The following SMIM14 variants were observed in gnomAD, a reference collection of about 807,000 sequenced individuals.
SMIM14 encodes small integral membrane protein 14.
A neutral mutation model predicts 12.6 loss-of-function variants in SMIM14; 5 were observed. The observed-to-expected ratio is 0.40, with a 90% CI of 0.21 to 0.83. SMIM14 has a LOEUF of 0.83. SMIM14 is among the 40% of genes least tolerant of loss of function. SMIM14 has a pLI of 0.37. For missense variants in SMIM14, 86 were observed against 119.1 expected (o/e 0.72, Z 1.29); for synonymous variants, 30 against 40.1 (o/e 0.75, Z 0.95).
At chr4:39,603,354 T>G (rs1013166277) in intron 2 of SMIM14, among the ~76,000 whole-genome samples, 2 of 151,816 alleles carry the variant, frequency 1.3e-5, no homozygotes, top group Admixed American at 1.3e-4. Flanking sequence ...GTCAGGAGAT[T>G]GAGACCATCC....
Position 39,588,380 on chromosome 4 carries a change from C to CTAAA in SMIM14, c.76-15921_76-15918dup, listed in dbSNP as rs1207637421. On this transcript the variant is annotated intron_variant, in intron 2 of 4. Transcript: ENST00000295958. ...AAAATAGAGAGACCCCATCTCTATT[C>CTAAA]TAAATAAATAAATAAAACGTAACTA... Among the ~76,000 whole-genome samples the CTAAA allele has an allele frequency of 2.6e-5, 4 of 152,004 alleles. No homozygotes were observed. In the East Asian group the frequency reaches 7.7e-4, roughly 29 times the overall value.
intron 2 of SMIM14, chr4:39,593,598 G>T (rs1034645876): frequency 2.0e-5 from 3 of 152,148 alleles, no homozygotes; most frequent in African/African-American, 7.2e-5. Context: ...CAATTAGGAA[G>T]AGGAAGTCAA....
chr4:39,580,952 A>G (rs1242310685), intron 2 of SMIM14, among the ~76,000 whole-genome samples: 1 of 152,154 alleles, frequency 6.6e-6, no homozygotes, highest in East Asian at 1.9e-4. Context: ...TAATGTACAT[A>G]AAGAACTCAG....
At chr4:39,617,335 T>C (rs1578360633) in intron 1 of SMIM14, among the ~76,000 whole-genome samples, 1 of 152,326 alleles carries the variant, frequency 6.6e-6, no homozygotes, top group South Asian at 2.1e-4. Flanking sequence ...TTTCACTGTA[T>C]ACGATTATGT....
chr4:39,596,293 C>T (rs1714358996), intron 2 of SMIM14, among the ~76,000 whole-genome samples: 1 of 152,114 alleles, frequency 6.6e-6, no homozygotes, highest in Non-Finnish European at 1.5e-5. Context: ...CATGGTTTCT[C>T]CATGTTAGTC....
At position 39,632,881 on chromosome 4, in the gene SMIM14, C is replaced by A. The variant is rs879635637; in HGVS notation, c.-36+5858G>T. On this transcript the variant is annotated intron_variant, in intron 1 of 4. Coordinates refer to ENST00000295958, the MANE Select transcript of SMIM14 (RefSeq NM_174921.3). ...GGAAGATTTTAGAATTCAAAAAATACCAAAAATAAATAAATTAAAAAAATA... is the reference window on the plus strand; with the variant it reads ...GGAAGATTTTAGAATTCAAAAAATAACAAAAATAAATAAATTAAAAAAATA... Among the ~76,000 whole-genome samples, 4 of 146,606 alleles carry A rather than the reference C, an allele frequency of 2.7e-5. No homozygotes were observed. In the East Asian group the frequency reaches 8.0e-4, roughly 29 times the overall value.
intron 3 of SMIM14, among the ~76,000 whole-genome samples, chr4:39,569,105 G>C (rs1712732444): frequency 6.6e-6 from 1 of 152,172 alleles, no homozygotes; most frequent in Non-Finnish European, 1.5e-5. Context: ...TTTACCTGTT[G>C]AGGCAAATAT....
At chr4:39,605,797 G>A (rs893550200) in intron 1 of SMIM14, among the ~76,000 whole-genome samples, 5 of 152,198 alleles carry the variant, frequency 3.3e-5, no homozygotes, top group African/African-American at 1.2e-4. Context: ...CTGGAGTGCA[G>A]TGATACGATC....
At chr4:39,583,215 A>G (rs1319407035) in intron 2 of SMIM14, among the ~76,000 whole-genome samples, 2 of 152,000 alleles carry the variant, frequency 1.3e-5, no homozygotes, top group Admixed American at 1.3e-4. Context: ...CAGCTTCCTG[A>G]GTTGTTGGGA....
chr4:39,621,428 A>G (rs959850123), intron 1 of SMIM14, among the ~76,000 whole-genome samples: 59 of 152,196 alleles, frequency 3.9e-4, no homozygotes, highest in African/African-American at 1.3e-3. Flanking sequence ...GGAACCATTT[A>G]TACACTGCAT....
chr4:39,558,365 G>A lies in SMIM14; in HGVS notation c.125-1795C>T, dbSNP rs1301350930. ...AAAATCCATTAGGTAAACAGTTAAG[G>A]CTGGGCCCCTAGAAGTGCTTGCCTG... On this transcript the variant is annotated intron_variant, in intron 3 of 4. Coordinates refer to ENST00000295958, the MANE Select transcript of SMIM14 (RefSeq NM_174921.3). This position sits in a 1 kb window ranked among gnomAD's most constrained non-coding sequence, Gnocchi z 4.3. 6.6e-6 allele frequency among the ~76,000 whole-genome samples: 1 copy of A among 152,182 alleles called. No individual in the cohort carries two copies. Among genetic ancestry groups the A allele is most frequent in the Admixed American group, 6.5e-5 (1 of 15,268 alleles).
intron 1 of SMIM14, among the ~76,000 whole-genome samples, chr4:39,616,901 C>A (rs543417790): frequency 6.6e-6 from 1 of 152,130 alleles, no homozygotes; most frequent in South Asian, 2.1e-4. Flanking sequence ...TTCCAGTATG[C>A]TCAGTGTGAA....
At position 39,547,602 on chromosome 4, in the gene SMIM14, CTCT is replaced by C. The variant is rs1419893802; in HGVS notation, c.*4521_*4523del. ...AATTTAACCCATTAAACTAGAAACT[CTCT>C]TCATTTTTCCTTCTTCAAATTACTG... On this transcript the variant is annotated 3_prime_UTR_variant, in exon 5 of 5. Coordinates refer to ENST00000295958, the MANE Select transcript of SMIM14 (RefSeq NM_174921.3). 1 of 152,194 alleles carries C rather than the reference CTCT, an allele frequency of 6.6e-6. No homozygotes were observed. The highest frequency in any genetic ancestry group is 6.5e-5 in the Admixed American group (1 of 15,274). 9.4% of individuals were successfully genotyped at this position (152,194 alleles called of 1,614,324 possible). A position where few individuals can be genotyped will look rare whatever the true frequency, so the allele number is the denominator to read the frequency against.
At chr4:39,576,684 A>ATATATATATT (rs1560289781) in intron 2 of SMIM14, among the ~76,000 whole-genome samples, 1 of 25,544 alleles carries the variant, frequency 3.9e-5, no homozygotes, top group Non-Finnish European at 6.7e-5. Flanking sequence ...ATATATATAT[A>ATATATATATT]TTTTTTTTTT....
chr4:39,580,399 C>T (rs753989317), intron 2 of SMIM14, among the ~76,000 whole-genome samples: 4 of 152,112 alleles, frequency 2.6e-5, no homozygotes, highest in Non-Finnish European at 5.9e-5. Context: ...AGGCTGTTCT[C>T]CAACTTCTAG....
At chr4:39,555,910 A>G (rs999397532) in intron 4 of SMIM14, among the ~76,000 whole-genome samples, 3 of 152,174 alleles carry the variant, frequency 2.0e-5, no homozygotes, top group Admixed American at 6.5e-5. Flanking sequence ...GACTTGAGCA[A>G]TATTGCTGTG....
intron 1 of SMIM14, among the ~76,000 whole-genome samples, chr4:39,621,288 A>T: frequency 7.6e-6 from 1 of 131,538 alleles, no homozygotes; most frequent in East Asian, 3.3e-4. Context: ...CTGTGCATTT[A>T]AAAAAAATCC....
intron 1 of SMIM14, among the ~76,000 whole-genome samples, chr4:39,625,614 T>C (rs899792513): frequency 6.6e-6 from 1 of 152,178 alleles, no homozygotes. Context: ...CTAATTTTTG[T>C]ACTTTTAGTA....
rs1209513810 is a variant in SMIM14 at position 39,572,702 on chromosome 4, G to A, written c.76-239C>T. Among the ~76,000 whole-genome samples, 7 of 152,068 alleles carry A rather than the reference G, an allele frequency of 4.6e-5. No homozygotes were observed. In the East Asian group the frequency reaches 1.4e-3, roughly 29 times the overall value. ...CCAGGTGTGGTGGTGTGTGCCTGTA[G>A]TCTCAGCTATTAGGGAGGCTGAGGT... On this transcript the variant is annotated intron_variant, in intron 2 of 4. Coordinates refer to ENST00000295958, the MANE Select transcript of SMIM14 (RefSeq NM_174921.3).
Sources: gnomAD v4.1 joint callset for allele counts (sites outside exome capture counted in the v4.1 genomes callset) on GRCh38, gnomAD v4.1.1 for gene constraint, Gnocchi (gnomAD v3.1) non-coding constraint, MANE v1.5 for transcripts, NCBI Gene and HGNC (gene_info 2026-07-23, HGNC 2026-07-21) for gene names.